C2: variants seen among roughly 807,000 people sequenced by gnomAD.
C2 encodes C3/C5 convertase.
A neutral mutation model predicts 85.2 loss-of-function variants in C2; 64 were observed. The observed-to-expected ratio is 0.75, with a 90% CI of 0.61 to 0.92. C2 has a LOEUF of 0.92. Ranked by LOEUF, C2 falls within the 40% of genes least tolerant of loss-of-function variation. The probability of loss-of-function intolerance (pLI) is 0.00; values close to 1 mark genes in which losing one functional copy is unlikely to be tolerated. For synonymous variants in C2, 311 were observed against 370.8 expected (o/e 0.84, Z 1.85); for missense variants, 820 against 971.6 (o/e 0.84, Z 2.07).
At chr6:31,939,716 G>C (rs1340081931) in intron 9 of C2, among the ~76,000 whole-genome samples, 1 of 151,960 alleles carries the variant, frequency 6.6e-6, no homozygotes, top group African/African-American at 2.4e-5. Context: ...GCTTCCCAAA[G>C]TGGTAGGATT....
In C2 at chr6:31,922,140, G is replaced by A. The variant is rs911249341; in HGVS notation, c.-100+2114G>A. 1.5e-4 allele frequency among the ~76,000 whole-genome samples: 23 copies of A among 152,170 alleles called. No homozygotes were observed. Among genetic ancestry groups the A allele is most frequent in the African/African-American group, 5.3e-4 (22 of 41,444 alleles). ...AAAACAATCCTTGGGTAGAGACAGA[G>A]ATGCTGCAGCTGGAAGTCAGTGGAG... On this transcript the variant is annotated intron_variant, in intron 1 of 3. Coordinates refer to the C2 transcript ENST00000413154. This position sits in a 1 kb window ranked among gnomAD's most constrained non-coding sequence, Gnocchi z 4.8.
chr6:31,937,132 T>C (rs1176413678), intron 7 of C2, 187 bp from the exon 8 acceptor site: 44 of 598,036 alleles, frequency 7.4e-5, no homozygotes, highest in Non-Finnish European at 1.3e-4. Flanking sequence ...TCACTTGAAC[T>C]GGGGAGGTGG....
At chr6:31,934,128 G>C in intron 5 of C2, 38 bp from the exon 6 acceptor site, 1 of 1,612,318 alleles carries the variant, frequency 6.2e-7, no homozygotes, top group Non-Finnish European at 8.5e-7. Flanking sequence ...GCAGGAAGGA[G>C]GTGGGGATCT....
In C2 at chr6:31,943,781, C is replaced by T. The variant is rs1424961092; in HGVS notation, c.1705C>T (p.Gln569Ter). ...TGACATAGCTCTGCTGAAGCTGGCC[C>T]AGAAAGTAAAGATGTCCACCCATGC... ...GDDIALLKLA[Q>*]KVKMSTHARP... The change falls in exon 13 of 18, where the codon CAG becomes TAG. Residue 569 changes from glutamine (Q) to a stop codon, truncating the protein, a stop_gained. Transcript: ENST00000299367. LOFTEE classifies it high-confidence loss of function. The surrounding 1 kb of genome is among the most constrained non-coding windows in gnomAD (Gnocchi z 6.4). 2 of 1,612,994 alleles carry T rather than the reference C, an allele frequency of 1.2e-6. No individual in the cohort carries two copies. The highest frequency in any genetic ancestry group is 1.7e-6 in the Non-Finnish European group (2 of 1,180,054).
At chr6:31,932,850 C>T (rs1770017490) in intron 3 of C2, among the ~76,000 whole-genome samples, 2 of 152,394 alleles carry the variant, frequency 1.3e-5, no homozygotes, top group South Asian at 4.1e-4. Context: ...GAACGAGACT[C>T]CGTCTGCAAT....
In C2 at chr6:31,934,212, C is replaced by A. The variant is rs1770204988; in HGVS notation, c.762C>A (p.Asn254Lys). The change falls in exon 6 of 18, where the codon AAC becomes AAA. Residue 254 changes from asparagine to lysine, a missense_variant. Coordinates refer to ENST00000299367, the MANE Select transcript of C2 (RefSeq NM_000063.6). The part of the protein sequence containing the change: ...KIQIQRSGHL[N>K]LYLLLDCSQS... ...AAATCCAGCGCTCTGGTCATCTGAACCTCTACCTGCTCCTGGACTGTTCGC... is the reference window on the plus strand; with the variant it reads ...AAATCCAGCGCTCTGGTCATCTGAAACTCTACCTGCTCCTGGACTGTTCGC... 6.2e-7 allele frequency: 1 copy of A among 1,614,184 alleles called. No homozygotes were observed. Among genetic ancestry groups the A allele is most frequent in the South Asian group, 1.1e-5 (1 of 91,088 alleles).
intron 1 of C2, among the ~76,000 whole-genome samples, chr6:31,907,099 C>A (rs987494664): frequency 1.3e-4 from 20 of 150,626 alleles, no homozygotes; most frequent in Non-Finnish European, 2.5e-4. Flanking sequence ...GAGATCACGC[C>A]ACTGCACTCC....
chr6:31,934,993 A>T, intron 6 of C2: 1 of 690,748 alleles, frequency 1.4e-6, no homozygotes, highest in African/African-American at 1.9e-5. Context: ...GGGCAACTAG[A>T]GCAAAACTCT....
chr6:31,932,049 T>A (rs1313914849), intron 3 of C2, among the ~76,000 whole-genome samples: 4 of 128,246 alleles, frequency 3.1e-5, no homozygotes, highest in South Asian at 5.2e-4. Flanking sequence ...GGCTCCTCAC[T>A]TCCCAGCAGG....
chr6:31,901,953 A>C (rs1213673812), intron 1 of C2: 2 of 137,396 alleles, frequency 1.5e-5, no homozygotes, highest in Admixed American at 7.1e-5. Context: ...GCGGGGATGC[A>C]CGGGACGCGC....
At chr6:31,898,220 A>AACC (rs1766844719), upstream of C2, among the ~76,000 whole-genome samples, 2 of 152,244 alleles carry the variant, frequency 1.3e-5, no homozygotes, top group Non-Finnish European at 2.9e-5. Context: ...CTGTGGCTAA[A>AACC]TGTCTCTTCT....
chr6:31,901,369 T>C, intron 1 of C2: 1 of 1,510,668 alleles, frequency 6.6e-7, no homozygotes, highest in South Asian at 1.3e-5. Flanking sequence ...TCTCTGGCTC[T>C]CCGAAGCCAA....
At position 31,921,663 on chromosome 6, in the gene C2, C is replaced by A. The variant is rs1026498302; in HGVS notation, c.-100+1637C>A. 1.3e-5 allele frequency among the ~76,000 whole-genome samples: 2 copies of A among 152,114 alleles called. No homozygotes were observed. The highest frequency in any genetic ancestry group is 2.4e-5 in the African/African-American group (1 of 41,410). ...TATGAACCTGGGGCAGCTCACTTAA[C>A]CTTTGTGTGCCTCAGTTCCCTCATC... On this transcript the variant is annotated intron_variant, in intron 1 of 3. Coordinates refer to the C2 transcript ENST00000413154. The surrounding 1 kb of genome is among the most constrained non-coding windows in gnomAD (Gnocchi z 4.6).
At chr6:31,942,280 T>A (rs1770950684) in intron 9 of C2, among the ~76,000 whole-genome samples, 1 of 148,652 alleles carries the variant, frequency 6.7e-6, no homozygotes. Context: ...ACCTCAGTCA[T>A]TGGATTAGAG....
In C2 at chr6:31,931,661, C is replaced by T. The variant is rs563688250; in HGVS notation, c.443-1949C>T. On this transcript the variant is annotated intron_variant, in intron 3 of 17. Transcript: ENST00000299367. ...AAAATGAAAAGTCTCCCAGGTCTAC[C>T]TCTTTCTACACAGACACGGCAACCA... is the stretch of plus-strand genomic sequence containing the variant. Among the ~76,000 whole-genome samples, 8 of 152,252 alleles carry T rather than the reference C, an allele frequency of 5.3e-5. No individual in the cohort carries two copies. In the East Asian group the frequency reaches 1.4e-3, roughly 26 times the overall value.
intron 1 of C2, among the ~76,000 whole-genome samples, chr6:31,910,948 C>G (rs976999646): frequency 2.6e-5 from 4 of 151,448 alleles, no homozygotes. Flanking sequence ...CCACTGCACT[C>G]CAGCCTGGGT....
At chr6:31,940,131 C>T (rs1424260311) in intron 9 of C2, among the ~76,000 whole-genome samples, 1 of 152,130 alleles carries the variant, frequency 6.6e-6, no homozygotes, top group Admixed American at 6.6e-5. Flanking sequence ...AGACAGAGAA[C>T]CTTGGTTTCA....
rs774178157 is a variant in C2 at position 31,945,133 on chromosome 6, T to C, written c.2080-45T>C. 7.4e-6 allele frequency: 12 copies of C among 1,611,042 alleles called. No individual in the cohort carries two copies. Among genetic ancestry groups the C allele is most frequent in the African/African-American group, 4.0e-5 (3 of 74,826 alleles). On this transcript the variant is annotated intron_variant, in intron 17 of 17. Coordinates refer to ENST00000299367, the MANE Select transcript of C2 (RefSeq NM_000063.6). This position sits in a 1 kb window ranked among gnomAD's most constrained non-coding sequence, Gnocchi z 5.3. ...GATCTAGGGAGGTTGGGGCTTACAG[T>C]TGGGGCTGTGGCAGCCTCCCAGCCA...
intron 3 of C2, among the ~76,000 whole-genome samples, chr6:31,932,923 G>C (rs1220025187): frequency 2.0e-5 from 3 of 152,252 alleles, no homozygotes; most frequent in East Asian, 1.9e-4. Flanking sequence ...AGACCAGCCC[G>C]GCCAACACAG....
Sources: allele counts gnomAD v4.1 joint callset (sites outside exome capture counted in the v4.1 genomes callset), GRCh38; gene constraint gnomAD v4.1.1; non-coding constraint Gnocchi (gnomAD v3.1); transcripts MANE v1.5; gene names NCBI Gene and HGNC (gene_info 2026-07-23, HGNC 2026-07-21).